Variants in CLVS1 observed in about 807,000 individuals in gnomAD.
CLVS1 encodes the protein clavesin-1.
Under a neutral mutation model 33.1 loss-of-function variants are expected in CLVS1, and 10 were observed. That is an observed-to-expected ratio of 0.30 (90% CI 0.19 to 0.51). The LOEUF (loss-of-function observed/expected upper bound fraction) is 0.51, where lower values mean the gene tolerates loss of function less well. Ranked by LOEUF, CLVS1 falls within the 20% of genes least tolerant of loss-of-function variation. The pLI is 0.97. For synonymous variants in CLVS1, 163 were observed against 166.1 expected (o/e 0.98, Z 0.14); for missense variants, 343 against 433.4 (o/e 0.79, Z 1.85).
At chr8:61,366,672 G>A (rs1813224265) in intron 2 of CLVS1, among the ~76,000 whole-genome samples, 2 of 152,192 alleles carry the variant, frequency 1.3e-5, no homozygotes, top group African/African-American at 4.8e-5. Flanking sequence ...CATCTACTAT[G>A]TATAGGTACT....
chr8:61,433,806 T>G (rs1585968079), intron 3 of CLVS1, among the ~76,000 whole-genome samples: 1 of 152,022 alleles, frequency 6.6e-6, no homozygotes, highest in Non-Finnish European at 1.5e-5. Context: ...CCTGGCTACC[T>G]GGGAGGCCGA....
At chr8:61,095,412 A>C (rs761084771) in intron 1 of CLVS1, among the ~76,000 whole-genome samples, 1 of 152,086 alleles carries the variant, frequency 6.6e-6, no homozygotes, top group Non-Finnish European at 1.5e-5. Flanking sequence ...TATTTTTCCA[A>C]ACGTTGAGAC....
At chr8:60,965,462 A>C in the CLVS1 span, 1 of 152,294 alleles carries the variant, frequency 6.6e-6, no homozygotes, top group African/African-American at 2.4e-5. Context: ...CTGATCTTCA[A>C]GCTCACACAT....
the CLVS1 span, among the ~76,000 whole-genome samples, chr8:60,995,180 G>C: frequency 6.6e-6 from 1 of 152,222 alleles, no homozygotes; most frequent in Non-Finnish European, 1.5e-5. Context: ...TTAAATGAAA[G>C]AGCTTCTGCA....
intron 3 of CLVS1, among the ~76,000 whole-genome samples, chr8:61,432,212 T>C (rs1317933740): frequency 6.6e-6 from 1 of 152,230 alleles, no homozygotes; most frequent in Non-Finnish European, 1.5e-5. Flanking sequence ...GAATTAGCAT[T>C]AGAACTAAAT....
chr8:61,401,936 A>G (rs778678891), intron 3 of CLVS1, among the ~76,000 whole-genome samples: 1 of 152,132 alleles, frequency 6.6e-6, no homozygotes, highest in Non-Finnish European at 1.5e-5. Context: ...ACATATTTTC[A>G]TGCTAGAATT....
chr8:61,025,731 C>G, the CLVS1 span, among the ~76,000 whole-genome samples: 5 of 152,064 alleles, frequency 3.3e-5, no homozygotes, highest in Non-Finnish European at 4.4e-5. Flanking sequence ...TCAGGGTTTG[C>G]AAGCCTCCCT....
At chr8:61,266,420 C>T (rs1166394270) in intron 2 of CLVS1, among the ~76,000 whole-genome samples, 1 of 151,976 alleles carries the variant, frequency 6.6e-6, no homozygotes, top group African/African-American at 2.4e-5. Flanking sequence ...TTTCTTCCCC[C>T]AGGCCAAAGA....
chr8:61,365,149 TTTATGG>T (rs1813144190), intron 2 of CLVS1, among the ~76,000 whole-genome samples: 1 of 152,222 alleles, frequency 6.6e-6, no homozygotes, highest in Admixed American at 6.5e-5. Flanking sequence ...CAAAAGTGAT[TTTATGG>T]TTATAAGAGT....
Position 61,340,062 on chromosome 8 carries a change from AGAAAGAAAGAAAAAGAAAG to A in CLVS1, c.456-36523_456-36505del, listed in dbSNP as rs552009116. The stretch of plus-strand genomic sequence containing the variant: ...AAAAGGAAGGAAAGAAAAAAGAAAA[AGAAAGAAAGAAAAAGAAAG>A]GAAAGAAAGAAAAAGAAAGAAAAGA... On this transcript the variant is annotated intron_variant, in intron 2 of 5. Coordinates refer to ENST00000325897, the MANE Select transcript of CLVS1 (RefSeq NM_173519.3). Among the ~76,000 whole-genome samples, 1,453 of 151,266 alleles carry A rather than the reference AGAAAGAAAGAAAAAGAAAG, an allele frequency of 9.6e-3. 12 individuals are homozygous for A. The highest frequency in any genetic ancestry group is 0.017 in the Non-Finnish European group (1,182 of 67,840).
chr8:61,444,196 C>A (rs1176872532), intron 3 of CLVS1, among the ~76,000 whole-genome samples: 3 of 151,882 alleles, frequency 2.0e-5, no homozygotes, highest in African/African-American at 7.3e-5. Flanking sequence ...ATATTTTTTC[C>A]TTTTTAATCT....
chr8:61,037,982 A>G, the CLVS1 span, among the ~76,000 whole-genome samples: 2 of 152,076 alleles, frequency 1.3e-5, no homozygotes, highest in African/African-American at 4.8e-5. Flanking sequence ...ATGAGAAGAA[A>G]CCAGGGCAGT....
At chr8:61,012,073 C>T in the CLVS1 span, among the ~76,000 whole-genome samples, 1 of 152,234 alleles carries the variant, frequency 6.6e-6, no homozygotes, top group African/African-American at 2.4e-5. Flanking sequence ...AATCCGCTCA[C>T]CCAGGGATGC....
At chr8:61,316,221 A>G (rs1016110386) in intron 2 of CLVS1, among the ~76,000 whole-genome samples, 1 of 152,346 alleles carries the variant, frequency 6.6e-6, no homozygotes, top group South Asian at 2.1e-4. Context: ...TTATTGCAGC[A>G]CTATTCACAT....
chr8:61,395,913 TAA>T (rs771738993), intron 3 of CLVS1, among the ~76,000 whole-genome samples: 12 of 152,200 alleles, frequency 7.9e-5, no homozygotes, highest in Non-Finnish European at 1.8e-4. Context: ...ACCTGTGCTT[TAA>T]GACTATTTTC....
At chr8:61,403,729 T>A (rs931759247) in intron 3 of CLVS1, among the ~76,000 whole-genome samples, 2 of 152,178 alleles carry the variant, frequency 1.3e-5, no homozygotes, top group Non-Finnish European at 2.9e-5. Flanking sequence ...GATCAGGAGT[T>A]CAGTTTTGCA....
At chr8:61,279,154 T>C (rs894963711) in intron 2 of CLVS1, among the ~76,000 whole-genome samples, 2 of 152,176 alleles carry the variant, frequency 1.3e-5, no homozygotes, top group African/African-American at 4.8e-5. Flanking sequence ...GAAGTGTATA[T>C]CCCTGCCCCA....
intron 5 of CLVS1, among the ~76,000 whole-genome samples, chr8:61,474,302 T>C (rs1817835450): frequency 6.6e-6 from 1 of 152,128 alleles, no homozygotes; most frequent in African/African-American, 2.4e-5. Context: ...AAGGTATCCA[T>C]TGGACATAAT....
intron 2 of CLVS1, among the ~76,000 whole-genome samples, chr8:61,248,039 G>A (rs762752691): frequency 1.3e-5 from 2 of 152,114 alleles, no homozygotes; most frequent in Non-Finnish European, 2.9e-5. Flanking sequence ...TATTTAATAG[G>A]TAGTCATTTC....
Sources: allele counts gnomAD v4.1 joint callset (sites outside exome capture counted in the v4.1 genomes callset), GRCh38; gene constraint gnomAD v4.1.1; transcripts MANE v1.5; gene names NCBI Gene and HGNC (gene_info 2026-07-23, HGNC 2026-07-21).